The following MALRD1 variants were observed in gnomAD, a reference collection of about 807,000 sequenced individuals.
MALRD1 encodes the protein MAM and LDL receptor class A domain containing 1, also known as MAM and LDL-receptor class A domain-containing protein 1.
In MALRD1, 247 loss-of-function variants were observed where a neutral mutation model predicts 242.1. The observed-to-expected ratio is 1.02, with a 90% CI of 0.92 to 1.13. MALRD1 has a LOEUF of 1.13. Among genes scored for constraint, MALRD1 ranks in the 50% most tolerant of loss-of-function variants. The pLI is 0.00. For missense variants in MALRD1, 2,989 were observed against 2,533.1 expected, an observed-to-expected ratio of 1.18 and a Z score of -3.86; for synonymous variants, 995 against 866.6, an observed-to-expected ratio of 1.15 and a Z score of -2.60.
At chr10:19,491,836 A>C (rs569657191) in intron 30 of MALRD1, among the ~76,000 whole-genome samples, 191 bp downstream of exon 30, 1 of 152,202 alleles carries the variant, frequency 6.6e-6, no homozygotes, top group Non-Finnish European at 1.5e-5. Flanking sequence ...CAGTACTTTC[A>C]TATTCTTTAC....
intron 33 of MALRD1, among the ~76,000 whole-genome samples, chr10:19,594,369 C>T (rs1837967101): frequency 1.3e-5 from 2 of 152,136 alleles, no homozygotes; most frequent in Admixed American, 6.6e-5. Flanking sequence ...TGAAATGGAA[C>T]ACTTTTACAC....
At chr10:19,255,329 T>G (rs372597660) in intron 18 of MALRD1, among the ~76,000 whole-genome samples, 1 of 151,974 alleles carries the variant, frequency 6.6e-6, no homozygotes, top group African/African-American at 2.4e-5. Context: ...TGTATAATGC[T>G]TGTGTTTTGA....
intron 18 of MALRD1, among the ~76,000 whole-genome samples, chr10:19,229,474 G>C (rs1837956076): frequency 6.6e-6 from 1 of 152,094 alleles, no homozygotes; most frequent in South Asian, 2.1e-4. Context: ...CTCTGGGTGT[G>C]GCATGCTCCT....
intron 5 of MALRD1, among the ~76,000 whole-genome samples, chr10:19,116,950 C>G (rs1836890396): frequency 6.6e-6 from 1 of 151,910 alleles, no homozygotes; most frequent in Non-Finnish European, 1.5e-5. Context: ...CAAAAATTAG[C>G]CAGGCGTGGT....
chr10:19,650,433 C>T (rs927323540), intron 36 of MALRD1, among the ~76,000 whole-genome samples: 2 of 152,114 alleles, frequency 1.3e-5, no homozygotes, highest in African/African-American at 4.8e-5. Context: ...AAAACAAAGG[C>T]ATCAAGAATA....
At chr10:19,472,710 A>G (rs777524258) in intron 29 of MALRD1, among the ~76,000 whole-genome samples, 2 of 151,898 alleles carry the variant, frequency 1.3e-5, no homozygotes, top group African/African-American at 4.8e-5. Flanking sequence ...TAGTAGTATC[A>G]TATGATCCTT....
chr10:19,104,949 T>C (rs1022591360), intron 5 of MALRD1, among the ~76,000 whole-genome samples: 4 of 152,156 alleles, frequency 2.6e-5, no homozygotes, highest in Non-Finnish European at 5.9e-5. Context: ...GTTAAATACA[T>C]GTATCCATTG....
chr10:19,354,902 A>C (rs11009590), intron 26 of MALRD1, among the ~76,000 whole-genome samples: 12,387 of 152,220 alleles, frequency 0.081, 577 homozygotes, highest in Middle Eastern at 0.21. Flanking sequence ...TAAATATTAA[A>C]AATAAAAAAG....
chr10:19,127,149 G>T (rs1230559628), intron 7 of MALRD1, among the ~76,000 whole-genome samples: 1 of 152,108 alleles, frequency 6.6e-6, no homozygotes, highest in Admixed American at 6.6e-5. Context: ...CCTTTATCCA[G>T]TCTATCATTG....
intron 11 of MALRD1, among the ~76,000 whole-genome samples, chr10:19,147,218 T>C (rs1222103355): frequency 1.3e-5 from 2 of 152,178 alleles, no homozygotes; most frequent in Non-Finnish European, 2.9e-5. Context: ...CATTGAACAT[T>C]ATCCTATTTG....
chr10:19,557,458 G>T (rs1835773503), intron 32 of MALRD1, among the ~76,000 whole-genome samples: 1 of 151,868 alleles, frequency 6.6e-6, no homozygotes, highest in African/African-American at 2.4e-5. Context: ...GTTAATTTTG[G>T]TAACACATGT....
chr10:19,696,110 G>A (rs1300071992), intron 38 of MALRD1, among the ~76,000 whole-genome samples: 2 of 152,138 alleles, frequency 1.3e-5, no homozygotes, highest in African/African-American at 4.8e-5. Flanking sequence ...CTGAGCATGT[G>A]CAAAACAGGG....
intron 13 of MALRD1, among the ~76,000 whole-genome samples, chr10:19,171,060 G>C (rs995767063): frequency 1.3e-5 from 2 of 151,362 alleles, no homozygotes; most frequent in Non-Finnish European, 2.9e-5. Context: ...TGTTAATTGC[G>C]TATTTGTCTG....
intron 31 of MALRD1, among the ~76,000 whole-genome samples, chr10:19,505,874 A>G (rs185949109): frequency 6.5e-4 from 99 of 152,320 alleles, no homozygotes; most frequent in Non-Finnish European, 1.2e-3. Context: ...TCAGTGTCAT[A>G]GTTGGGGTTA....
At chr10:19,291,950 G>T (rs1841450558) in intron 21 of MALRD1, among the ~76,000 whole-genome samples, 2 of 151,636 alleles carry the variant, frequency 1.3e-5, no homozygotes, top group African/African-American at 4.8e-5. Context: ...GTCATACGTG[G>T]TGGTGCGTGC....
chr10:19,483,501 C>T (rs556836887), intron 29 of MALRD1, among the ~76,000 whole-genome samples: 64 of 152,240 alleles, frequency 4.2e-4, no homozygotes, highest in Non-Finnish European at 6.5e-4. Context: ...ACAGACACTT[C>T]TCAAAAGAAG....
At chr10:19,545,865 C>G (rs1169665469) in intron 32 of MALRD1, among the ~76,000 whole-genome samples, 2 of 152,190 alleles carry the variant, frequency 1.3e-5, no homozygotes, top group African/African-American at 2.4e-5. Flanking sequence ...TTCCTATTCA[C>G]CTTTTGGTCT....
At chr10:19,362,363 G>T (rs1277922173) in intron 26 of MALRD1, among the ~76,000 whole-genome samples, 1 of 152,064 alleles carries the variant, frequency 6.6e-6, no homozygotes, top group African/African-American at 2.4e-5. Flanking sequence ...TACTAGTAAT[G>T]TTCCTCTAAT....
chr10:19,575,278 G>C (rs1458196666), intron 33 of MALRD1, among the ~76,000 whole-genome samples: 1 of 152,138 alleles, frequency 6.6e-6, no homozygotes, highest in Non-Finnish European at 1.5e-5. Context: ...CCAGTTTGTG[G>C]CATTTGCCTA....
Sources: allele counts gnomAD v4.1 joint callset (sites outside exome capture counted in the v4.1 genomes callset), GRCh38; gene constraint gnomAD v4.1.1; transcripts MANE v1.5; gene names NCBI Gene and HGNC (gene_info 2026-07-23, HGNC 2026-07-21).